The following CATSPERE variants were observed in gnomAD, a reference collection of about 807,000 sequenced individuals.
CATSPERE encodes cation channel sperm-associated auxiliary subunit epsilon.
CATSPERE carries 93 observed loss-of-function variants against 114.1 expected under a neutral mutation model. The ratio of observed to expected loss-of-function variants is 0.81; its 90% confidence interval spans 0.69 to 0.97. The LOEUF is 0.97. Among genes scored for constraint, CATSPERE ranks in the 50% least tolerant of loss-of-function variants. The probability of loss-of-function intolerance (pLI) is 0.00; values close to 1 mark genes in which losing one functional copy is unlikely to be tolerated. For synonymous variants in CATSPERE, 341 were observed against 384.1 expected (o/e 0.89, Z 1.31); for missense variants, 1,058 against 1,131.6 (o/e 0.93, Z 0.93).
At chr1:244,494,569 T>A (rs1156610415) in intron 6 of CATSPERE, among the ~76,000 whole-genome samples, 2 of 151,272 alleles carry the variant, frequency 1.3e-5, no homozygotes, top group Non-Finnish European at 2.9e-5. Flanking sequence ...AACCTGCACA[T>A]TGTGCACATG....
At chr1:244,520,142 AT>A in intron 8 of CATSPERE, among the ~76,000 whole-genome samples, 1 of 152,204 alleles carries the variant, frequency 6.6e-6, no homozygotes, top group Non-Finnish European at 1.5e-5. Flanking sequence ...ATTTTTATGA[AT>A]TCCTAATTAC....
At position 244,483,958 on chromosome 1, in the gene CATSPERE, T is replaced by G. The variant is rs139481921; in HGVS notation, c.326+4174T>G. 3.0e-3 allele frequency among the ~76,000 whole-genome samples: 453 copies of G among 152,308 alleles called. 5 individuals are homozygous for G. Among genetic ancestry groups the G allele is most frequent in the African/African-American group, 0.01 (423 of 41,576 alleles). ...GTTTTTTTCTTCTAAAATTAGGTCT[T>G]TAATCCACCTGGAATCAGTTTTTGT... On this transcript the variant is annotated intron_variant, in intron 5 of 21. Coordinates refer to ENST00000366534, the MANE Select transcript of CATSPERE (RefSeq NM_001130957.2).
chr1:244,455,204 T>C (rs1666020000), intron 1 of CATSPERE, among the ~76,000 whole-genome samples: 1 of 152,206 alleles, frequency 6.6e-6, no homozygotes, highest in South Asian at 2.1e-4. Context: ...CTGGAATGAT[T>C]CCCTTCTGGT....
intron 6 of CATSPERE, among the ~76,000 whole-genome samples, chr1:244,493,468 T>TAA (rs1224892955): frequency 6.6e-6 from 1 of 152,186 alleles, no homozygotes; most frequent in East Asian, 1.9e-4. Flanking sequence ...ATTAAAGACT[T>TAA]ACATGTTAGA....
chr1:244,482,668 A>G (rs1670447359), intron 5 of CATSPERE, among the ~76,000 whole-genome samples: 1 of 152,174 alleles, frequency 6.6e-6, no homozygotes, highest in South Asian at 2.1e-4. Flanking sequence ...TAAAGAATAA[A>G]AAGGATAGTA....
chr1:244,536,803 A>T (rs188642579), intron 8 of CATSPERE, among the ~76,000 whole-genome samples: 243 of 152,280 alleles, frequency 1.6e-3, no homozygotes, highest in African/African-American at 5.2e-3. Context: ...TCCTATGGAG[A>T]AGAAGATTGG....
At chr1:244,496,756 C>T (rs1351909657) in intron 6 of CATSPERE, among the ~76,000 whole-genome samples, 1 of 152,052 alleles carries the variant, frequency 6.6e-6, no homozygotes, top group East Asian at 1.9e-4. Context: ...ATGGATTAAA[C>T]AAAAACAGTG....
chr1:244,623,067 T>TTTATTTATTTATTTA (rs1426024418), intron 20 of CATSPERE, among the ~76,000 whole-genome samples: 2 of 150,804 alleles, frequency 1.3e-5, no homozygotes, highest in East Asian at 3.9e-4. Context: ...TTTTTATTTA[T>TTTATTTATTTATTTA]TTATTTATTT....
intron 5 of CATSPERE, among the ~76,000 whole-genome samples, chr1:244,486,508 G>A (rs59584884): frequency 0.031 from 3,439 of 111,326 alleles, 2 homozygotes; most frequent in East Asian, 0.066. Flanking sequence ...TGGGCCAGGT[G>A]TAGACCCTCG....
intron 10 of CATSPERE, among the ~76,000 whole-genome samples, chr1:244,564,469 C>A (rs139173269): frequency 0.012 from 1,811 of 152,226 alleles, 43 homozygotes; most frequent in African/African-American, 0.04. Context: ...TCCTTTACAT[C>A]CCTTGTAAGT....
chr1:244,518,788 A>G, intron 8 of CATSPERE, 90 bp downstream of exon 8: 1 of 660,404 alleles, frequency 1.5e-6, no homozygotes, highest in Non-Finnish European at 2.5e-6. Flanking sequence ...AATGTGTCTT[A>G]TATGTTATTT....
At chr1:244,470,035 A>T (rs1668225635) in intron 2 of CATSPERE, among the ~76,000 whole-genome samples, 1 of 152,212 alleles carries the variant, frequency 6.6e-6, no homozygotes, top group Non-Finnish European at 1.5e-5. Context: ...GACCACACCC[A>T]AAATTATAAC....
At chr1:244,507,741 C>G (rs1675043654) in intron 7 of CATSPERE, among the ~76,000 whole-genome samples, 1 of 152,138 alleles carries the variant, frequency 6.6e-6, no homozygotes, top group South Asian at 2.1e-4. Flanking sequence ...AAGAGGGCAT[C>G]CTTTCCCAAA....
chr1:244,522,719 G>A (rs1464617586), intron 8 of CATSPERE, among the ~76,000 whole-genome samples: 2 of 152,076 alleles, frequency 1.3e-5, no homozygotes, highest in East Asian at 1.9e-4. Context: ...CTACGCAAAT[G>A]AACTAGAAAA....
intron 6 of CATSPERE, 122 bp downstream of exon 6, chr1:244,490,593 G>T (rs34499553): frequency 2.2e-5 from 14 of 631,802 alleles, no homozygotes; most frequent in Admixed American, 1.6e-4. Flanking sequence ...TATTTGCTTA[G>T]AGTATACCTT....
At chr1:244,496,568 T>G (rs1673129881) in intron 6 of CATSPERE, among the ~76,000 whole-genome samples, 1 of 152,200 alleles carries the variant, frequency 6.6e-6, no homozygotes, top group Non-Finnish European at 1.5e-5. Flanking sequence ...CTTAATAACA[T>G]GCATTATACC....
At chr1:244,540,037 TCA>T (rs1658380020) in intron 8 of CATSPERE, among the ~76,000 whole-genome samples, 1 of 151,274 alleles carries the variant, frequency 6.6e-6, no homozygotes, top group African/African-American at 2.4e-5. Context: ...TATGACAAAC[TCA>T]CAGCCAATAT....
chr1:244,624,837 G>A (rs1358219200), intron 20 of CATSPERE, among the ~76,000 whole-genome samples: 3 of 151,682 alleles, frequency 2.0e-5, no homozygotes, highest in Non-Finnish European at 2.9e-5. Flanking sequence ...CTTTGCTCAT[G>A]TATGAGAAGC....
In CATSPERE at chr1:244,617,585, A is replaced by T. The variant is rs750400922; in HGVS notation, c.2547A>T (p.Pro849=). Residue 849 remains proline, a synonymous_variant, in exon 20 of 22, where the codon CCA becomes CCT. Coordinates refer to ENST00000366534, the MANE Select transcript of CATSPERE (RefSeq NM_001130957.2). ...AIGKPGDLNQ[P]YEIINSSNGN... ...GAAAACCAGGAGACTTAAATCAACCATACGAGATTATCAACAGTTCTAATG... is the reference window on the plus strand; with the variant it reads ...GAAAACCAGGAGACTTAAATCAACCTTACGAGATTATCAACAGTTCTAATG... The T allele has an allele frequency of 3.9e-5, 60 of 1,544,392 alleles. No individual in the cohort carries two copies. The highest frequency in any genetic ancestry group is 5.2e-5 in the Non-Finnish European group (59 of 1,144,968).
Sources: gnomAD v4.1 joint callset for allele counts (sites outside exome capture counted in the v4.1 genomes callset) on GRCh38, gnomAD v4.1.1 for gene constraint, MANE v1.5 for transcripts, NCBI Gene and HGNC (gene_info 2026-07-23, HGNC 2026-07-21) for gene names.